Variants in GALNT13 observed in about 807,000 individuals in gnomAD.
GALNT13 encodes polypeptide N-acetylgalactosaminyltransferase 13.
A neutral mutation model predicts 64.2 loss-of-function variants in GALNT13; 28 were observed. The observed-to-expected ratio is 0.44, with a 90% CI of 0.32 to 0.60. The LOEUF (loss-of-function observed/expected upper bound fraction) is 0.60, where lower values mean the gene tolerates loss of function less well. Ranked by LOEUF, GALNT13 falls within the 20% of genes least tolerant of loss-of-function variation. The pLI, the probability that GALNT13 is intolerant of heterozygous loss-of-function variation, is 0.05. For synonymous variants in GALNT13, 214 were observed against 224.6 expected (o/e 0.95, Z 0.42); for missense variants, 577 against 669.8 (o/e 0.86, Z 1.53).
At chr2:153,934,290 G>A (rs867965775) in intron 2 of GALNT13, among the ~76,000 whole-genome samples, 3 of 152,154 alleles carry the variant, frequency 2.0e-5, no homozygotes, top group Admixed American at 6.6e-5. Context: ...TCTGTTGTTC[G>A]GAGATTACCA....
At chr2:154,353,366 GTTA>G (rs1696523199) in intron 9 of GALNT13, among the ~76,000 whole-genome samples, 1 of 152,140 alleles carries the variant, frequency 6.6e-6, no homozygotes, top group African/African-American at 2.4e-5. Flanking sequence ...TAGTAAAATG[GTTA>G]TTACAGTGAA....
chr2:153,330,758 A>T, the GALNT13 span, among the ~76,000 whole-genome samples: 1 of 152,008 alleles, frequency 6.6e-6, no homozygotes, highest in African/African-American at 2.4e-5. Flanking sequence ...TCCCATTCGT[A>T]TGCCTTTTAT....
the GALNT13 span, among the ~76,000 whole-genome samples, chr2:153,302,852 T>C: frequency 6.6e-5 from 10 of 152,220 alleles, no homozygotes; most frequent in South Asian, 6.2e-4. Flanking sequence ...CAACTAACTG[T>C]AAATGCATGA....
chr2:153,779,717 C>G, the GALNT13 span, among the ~76,000 whole-genome samples: 1 of 152,192 alleles, frequency 6.6e-6, no homozygotes. Flanking sequence ...AAGGTAATTT[C>G]TCATGAGTGA....
intron 3 of GALNT13, among the ~76,000 whole-genome samples, chr2:154,019,912 T>C (rs1375011739): frequency 6.6e-6 from 1 of 151,238 alleles, no homozygotes; most frequent in African/African-American, 2.4e-5. Context: ...CCATGTGTTC[T>C]CATTGTTCAG....
intron 2 of GALNT13, among the ~76,000 whole-genome samples, chr2:153,931,996 AT>A (rs1385735331): frequency 2.6e-5 from 4 of 151,892 alleles, no homozygotes; most frequent in Non-Finnish European, 5.9e-5. Context: ...CCAGGGCTTT[AT>A]TTGGTTGGTG....
intron 2 of GALNT13, among the ~76,000 whole-genome samples, chr2:153,904,735 T>A (rs1324761002): frequency 6.6e-6 from 1 of 151,916 alleles, no homozygotes; most frequent in African/African-American, 2.4e-5. Context: ...TTTCTATGAT[T>A]TGGTTTTTCA....
chr2:153,541,034 CA>C, the GALNT13 span, among the ~76,000 whole-genome samples: 1 of 151,948 alleles, frequency 6.6e-6, no homozygotes, highest in Non-Finnish European at 1.5e-5. Context: ...TGAGAGGGGC[CA>C]GGGGTGGAAT....
At chr2:153,900,066 G>A (rs1688137706) in intron 1 of GALNT13, among the ~76,000 whole-genome samples, 2 of 151,174 alleles carry the variant, frequency 1.3e-5, no homozygotes, top group African/African-American at 2.4e-5. Context: ...CTCCCGAGTA[G>A]CTGGGACTAC....
At chr2:154,152,949 T>C (rs1193207675) in intron 4 of GALNT13, among the ~76,000 whole-genome samples, 1 of 152,244 alleles carries the variant, frequency 6.6e-6, no homozygotes, top group Non-Finnish European at 1.5e-5. Context: ...TCATTCTCCG[T>C]CCAGCTTTGT....
At chr2:153,615,154 T>C in the GALNT13 span, among the ~76,000 whole-genome samples, 1 of 152,084 alleles carries the variant, frequency 6.6e-6, no homozygotes, top group Non-Finnish European at 1.5e-5. Flanking sequence ...GCTTGTCTTA[T>C]TTGACTTAAT....
chr2:153,743,871 A>G, the GALNT13 span, among the ~76,000 whole-genome samples: 2 of 151,962 alleles, frequency 1.3e-5, no homozygotes, highest in African/African-American at 2.4e-5. Flanking sequence ...CTCTTTCTCC[A>G]TAAGTTCAAT....
intron 4 of GALNT13, among the ~76,000 whole-genome samples, chr2:154,220,687 T>A (rs546959384): frequency 3.9e-4 from 60 of 152,190 alleles, no homozygotes; most frequent in South Asian, 1.9e-3. Context: ...ATGCCAGTAA[T>A]AAAGCAAGTT....
At chr2:153,539,585 G>A in the GALNT13 span, among the ~76,000 whole-genome samples, 15 of 151,698 alleles carry the variant, frequency 9.9e-5, no homozygotes, top group Admixed American at 8.5e-4. Context: ...TGTAAGGAAG[G>A]GATCCAGTTT....
the GALNT13 span, among the ~76,000 whole-genome samples, chr2:153,680,250 C>T: frequency 1.7e-4 from 26 of 151,390 alleles, no homozygotes; most frequent in South Asian, 2.3e-3. Context: ...ATATGACAGA[C>T]GAAGAATGGA....
chr2:153,414,876 A>T, the GALNT13 span, among the ~76,000 whole-genome samples: 1 of 152,172 alleles, frequency 6.6e-6, no homozygotes, highest in African/African-American at 2.4e-5. Flanking sequence ...TTTACAAATA[A>T]AAGTCTATTT....
chr2:153,959,649 C>T lies in GALNT13; in HGVS notation c.142+15010C>T, dbSNP rs145089737. 5.1e-3 allele frequency among the ~76,000 whole-genome samples: 776 copies of T among 152,244 alleles called. 4 individuals carry two copies. The highest frequency in any genetic ancestry group is 0.016 in the African/African-American group (685 of 41,542). On this transcript the variant is annotated intron_variant, in intron 3 of 12. Coordinates refer to ENST00000392825, the MANE Select transcript of GALNT13 (RefSeq NM_052917.4). ...ATGAAAGGAAGGGCAGAGGGGATAC[C>T]ACCCATTCAGCAGAAATGGCACAGA...
At chr2:154,410,491 T>A (rs1043790098) in intron 11 of GALNT13, among the ~76,000 whole-genome samples, 25 of 151,946 alleles carry the variant, frequency 1.6e-4, no homozygotes, top group Admixed American at 1.6e-3. Context: ...GGCAGGAATA[T>A]CAAAGTCAGG....
intron 9 of GALNT13, among the ~76,000 whole-genome samples, chr2:154,378,823 CA>C (rs1239853109): frequency 7.2e-5 from 11 of 152,032 alleles, no homozygotes; most frequent in African/African-American, 2.7e-4. Flanking sequence ...TACAATGTGT[CA>C]ATGGAAATAA....
Sources: gnomAD v4.1 joint callset for allele counts (sites outside exome capture counted in the v4.1 genomes callset) on GRCh38, gnomAD v4.1.1 for gene constraint, MANE v1.5 for transcripts, NCBI Gene and HGNC (gene_info 2026-07-23, HGNC 2026-07-21) for gene names.